Variants in SATB2 observed in about 807,000 individuals in gnomAD.
SATB2 encodes the protein SATB homeobox 2.
SATB2 carries 1 observed loss-of-function variant against 73.4 expected under a neutral mutation model. That is an observed-to-expected ratio of 0.01 (90% CI 0.00 to 0.06). SATB2 has a LOEUF of 0.06. Ranked by LOEUF, SATB2 falls within the 10% of genes least tolerant of loss-of-function variation. The pLI is 1.00. For missense variants in SATB2, 459 were observed against 945.8 expected (o/e 0.49, Z 6.75); for synonymous variants, 397 against 367.0 (o/e 1.08, Z -0.93).
chr2:199,378,585 G>T (rs894511230), intron 5 of SATB2, among the ~76,000 whole-genome samples: 4 of 151,954 alleles, frequency 2.6e-5, no homozygotes, highest in Non-Finnish European at 5.9e-5. Context: ...CTGCCTATAC[G>T]TGAATGCATG....
At chr2:199,403,337 G>GTTGTATAATA (rs139359087) in intron 3 of SATB2, among the ~76,000 whole-genome samples, 1 of 151,714 alleles carries the variant, frequency 6.6e-6, no homozygotes, top group Non-Finnish European at 1.5e-5. Context: ...ATTGTATATT[G>GTTGTATAATA]TTGTATAATA....
intron 3 of SATB2, among the ~76,000 whole-genome samples, chr2:199,411,709 GT>G (rs753693148): frequency 1.3e-5 from 2 of 152,168 alleles, no homozygotes; most frequent in Non-Finnish European, 2.9e-5. Context: ...TGTATGGCAA[GT>G]CATAGGTGTG....
chr2:199,302,757 G>C (rs1275566538), intron 10 of SATB2, among the ~76,000 whole-genome samples: 3 of 152,166 alleles, frequency 2.0e-5, no homozygotes, highest in African/African-American at 7.2e-5. Flanking sequence ...TGTCCTTCAG[G>C]AAGCAAGTTC....
intron 2 of SATB2, among the ~76,000 whole-genome samples, chr2:199,443,464 G>A (rs1391641744): frequency 6.6e-6 from 1 of 150,800 alleles, no homozygotes; most frequent in Non-Finnish European, 1.5e-5. Flanking sequence ...TCAAACACTG[G>A]TGCAGAGCCT....
chr2:199,340,523 G>A (rs934227358), intron 7 of SATB2, among the ~76,000 whole-genome samples: 9 of 152,166 alleles, frequency 5.9e-5, no homozygotes, highest in East Asian at 1.9e-4. Flanking sequence ...TCCAAGAACC[G>A]GCTCAGAAGA....
chr2:199,451,545 G>A (rs1922788), intron 2 of SATB2, among the ~76,000 whole-genome samples: 151,362 of 152,008 alleles, frequency 1, 75,366 homozygotes, highest in Middle Eastern at 1. Context: ...TCATCCTTGG[G>A]AATGGAGTTT....
intron 3 of SATB2, among the ~76,000 whole-genome samples, chr2:199,412,064 C>T (rs1428322507): frequency 6.6e-6 from 1 of 152,022 alleles, no homozygotes; most frequent in African/African-American, 2.4e-5. Context: ...TGCGAGGAGT[C>T]ACATGGTTGA....
chr2:199,413,033 C>A (rs939569259), intron 3 of SATB2, among the ~76,000 whole-genome samples: 1 of 152,152 alleles, frequency 6.6e-6, no homozygotes. Context: ...AGGAATATTA[C>A]AGAATTTTTT....
chr2:199,304,881 T>C (rs1345256841), intron 10 of SATB2, among the ~76,000 whole-genome samples: 1 of 152,210 alleles, frequency 6.6e-6, no homozygotes, highest in Non-Finnish European at 1.5e-5. Context: ...CCAGGGCTGG[T>C]GAGTCTCTGG....
At chr2:199,466,334 C>T (rs1189481183), upstream of SATB2, among the ~76,000 whole-genome samples, 3 of 152,144 alleles carry the variant, frequency 2.0e-5, no homozygotes, top group African/African-American at 7.2e-5. Flanking sequence ...TACATACTCC[C>T]CATTTTCTGC....
chr2:199,350,122 ATC>A (rs1688771348), intron 6 of SATB2, among the ~76,000 whole-genome samples: 1 of 152,124 alleles, frequency 6.6e-6, no homozygotes, highest in African/African-American at 2.4e-5. Flanking sequence ...ATCTAACAAG[ATC>A]TCTTTTTCAA....
intron 8 of SATB2, among the ~76,000 whole-genome samples, chr2:199,325,830 G>C (rs903656018): frequency 6.6e-6 from 1 of 152,118 alleles, no homozygotes; most frequent in African/African-American, 2.4e-5. Flanking sequence ...CATGCAAAAT[G>C]TTCACAACAC....
chr2:199,424,411 A>G lies in SATB2; in HGVS notation c.346+8927T>C, dbSNP rs185561228. 2.2e-4 allele frequency among the ~76,000 whole-genome samples: 34 copies of G among 152,330 alleles called. 1 individual carries two copies. The highest frequency in any genetic ancestry group is 7.7e-4 in the African/African-American group (32 of 41,568). Reference sequence around the variant, plus strand: ...CCGAGCTCTTCTTCTGTCATACTGTAAACAAAGGAAGTCCCCGACAGCTCT... The same window carrying G: ...CCGAGCTCTTCTTCTGTCATACTGTGAACAAAGGAAGTCCCCGACAGCTCT... On this transcript the variant is annotated intron_variant, in intron 3 of 10. Transcript: ENST00000417098.
chr2:199,345,683 TGCACCCTCCCCA>T (rs1157137936), intron 7 of SATB2, among the ~76,000 whole-genome samples: 2 of 152,180 alleles, frequency 1.3e-5, no homozygotes, highest in African/African-American at 4.8e-5. Flanking sequence ...ATTTCTTCTC[TGCACCCTCCCCA>T]GCAGCCTAGT....
intron 3 of SATB2, among the ~76,000 whole-genome samples, chr2:199,398,930 A>G (rs1690384635): frequency 6.6e-6 from 1 of 152,224 alleles, no homozygotes; most frequent in Admixed American, 6.5e-5. Context: ...ACTGAATTTG[A>G]AGTGGTGCTG....
chr2:199,311,960 G>A (rs1416687915), intron 9 of SATB2, among the ~76,000 whole-genome samples: 1 of 151,938 alleles, frequency 6.6e-6, no homozygotes, highest in Non-Finnish European at 1.5e-5. Flanking sequence ...CATCACAGAA[G>A]AGATAAAGGG....
rs1691725022 is a variant in SATB2 at position 199,438,788 on chromosome 2, C to A, written c.170-5274G>T. Among the ~76,000 whole-genome samples, 3 of 152,208 alleles carry A rather than the reference C, an allele frequency of 2.0e-5. No homozygotes were observed. In the South Asian group the frequency reaches 6.2e-4, roughly 31 times the overall value. Reference sequence around the variant, plus strand: ...ATCATCATGTAGTCTAACATACACACCTTTATCTTCTCACATTTACTCTGT... The same window carrying A: ...ATCATCATGTAGTCTAACATACACAACTTTATCTTCTCACATTTACTCTGT... On this transcript the variant is annotated intron_variant, in intron 2 of 10. Coordinates refer to ENST00000417098, the MANE Select transcript of SATB2 (RefSeq NM_001172509.2).
chr2:199,458,070 G>T, upstream of SATB2: 1 of 153,780 alleles, frequency 6.5e-6, no homozygotes, highest in Non-Finnish European at 1.4e-5. Context: ...TCGGTCCCCA[G>T]ATCTAGCGCC....
At chr2:199,391,116 G>C (rs1383848044) in intron 3 of SATB2, among the ~76,000 whole-genome samples, 2 of 152,136 alleles carry the variant, frequency 1.3e-5, no homozygotes, top group African/African-American at 4.8e-5. Context: ...AACTGCTTTT[G>C]GTTTGAAGAT....
Sources: gnomAD v4.1 joint callset for allele counts (sites outside exome capture counted in the v4.1 genomes callset) on GRCh38, gnomAD v4.1.1 for gene constraint, MANE v1.5 for transcripts, NCBI Gene and HGNC (gene_info 2026-07-23, HGNC 2026-07-21) for gene names.